LINGO2: variants seen among roughly 807,000 people sequenced by gnomAD.
LINGO2 encodes leucine rich repeat and Ig domain containing 2.
Under a neutral mutation model 30.6 loss-of-function variants are expected in LINGO2, and 14 were observed. The ratio of observed to expected loss-of-function variants is 0.46; its 90% CI spans 0.30 to 0.72. The LOEUF (loss-of-function observed/expected upper bound fraction) is 0.72. LINGO2 is among the 30% of genes least tolerant of loss of function. The pLI, the probability that LINGO2 is intolerant of heterozygous loss-of-function variation, is 0.07. For missense variants in LINGO2, 729 were observed against 751.7 expected, an observed-to-expected ratio of 0.97 and a Z score of 0.35; for synonymous variants, 317 against 288.5, an observed-to-expected ratio of 1.10 and a Z score of -1.00.
At chr9:28,117,845 A>G (rs150894835) in intron 4 of LINGO2, among the ~76,000 whole-genome samples, 2,788 of 152,094 alleles carry the variant, frequency 0.018, 42 homozygotes, top group Non-Finnish European at 0.024. Context: ...GGTACCTCAG[A>G]TGGAAATGCA....
At chr9:28,165,614 G>C (rs933740356) in intron 4 of LINGO2, among the ~76,000 whole-genome samples, 1 of 152,070 alleles carries the variant, frequency 6.6e-6, no homozygotes, top group Non-Finnish European at 1.5e-5. Flanking sequence ...AAAAATTATT[G>C]AACCTGTAAA....
the LINGO2 span, among the ~76,000 whole-genome samples, chr9:29,073,440 C>G: frequency 6.6e-6 from 1 of 152,114 alleles, no homozygotes; most frequent in East Asian, 1.9e-4. Context: ...GGGACAAATT[C>G]AACCTGCCAC....
At chr9:28,558,309 C>T (rs942026042) in intron 1 of LINGO2, among the ~76,000 whole-genome samples, 41 of 151,862 alleles carry the variant, frequency 2.7e-4, no homozygotes, top group African/African-American at 9.9e-4. Context: ...AAGATTCATA[C>T]ATTTTCCTGC....
At chr9:28,693,447 G>C in the LINGO2 span, among the ~76,000 whole-genome samples, 18 of 152,174 alleles carry the variant, frequency 1.2e-4, no homozygotes, top group Admixed American at 1.0e-3. Flanking sequence ...GGGATTTTAA[G>C]AGGCCATTAT....
chr9:29,017,947 T>C, the LINGO2 span, among the ~76,000 whole-genome samples: 1 of 151,586 alleles, frequency 6.6e-6, no homozygotes, highest in East Asian at 1.9e-4. Flanking sequence ...ATTGCTCTAC[T>C]CTCTCTCACA....
chr9:28,770,001 T>C, the LINGO2 span, among the ~76,000 whole-genome samples: 1 of 152,090 alleles, frequency 6.6e-6, no homozygotes, highest in African/African-American at 2.4e-5. Context: ...AAACACACGG[T>C]GGCATACTTT....
chr9:29,144,116 CA>C, the LINGO2 span, among the ~76,000 whole-genome samples: 1 of 152,026 alleles, frequency 6.6e-6, no homozygotes, highest in East Asian at 1.9e-4. Flanking sequence ...TACTCTGTTC[CA>C]TCGGTTTATG....
chr9:28,230,073 G>A (rs1821304312), intron 4 of LINGO2, among the ~76,000 whole-genome samples: 1 of 151,740 alleles, frequency 6.6e-6, no homozygotes, highest in Non-Finnish European at 1.5e-5. Context: ...TGTTAGATGT[G>A]AGAAAAATTA....
chr9:28,024,770 G>C (rs1174582497), intron 4 of LINGO2, among the ~76,000 whole-genome samples: 1 of 152,154 alleles, frequency 6.6e-6, no homozygotes, highest in African/African-American at 2.4e-5. Context: ...ATGTGAACTT[G>C]AGTTCTGAAG....
At chr9:29,012,366 A>T in the LINGO2 span, among the ~76,000 whole-genome samples, 5 of 152,134 alleles carry the variant, frequency 3.3e-5, no homozygotes, top group Admixed American at 2.6e-4. Context: ...TCAAAAAAAA[A>T]AATTATATTA....
At chr9:28,466,904 C>A (rs1165141658) in intron 2 of LINGO2, among the ~76,000 whole-genome samples, 1 of 152,062 alleles carries the variant, frequency 6.6e-6, no homozygotes, top group African/African-American at 2.4e-5. Flanking sequence ...GTGTTACAAA[C>A]TGGTTAAAAA....
At chr9:28,990,137 G>C in the LINGO2 span, among the ~76,000 whole-genome samples, 4 of 152,200 alleles carry the variant, frequency 2.6e-5, no homozygotes, top group Admixed American at 6.5e-5. Flanking sequence ...CCCTTTCCTA[G>C]TCAAAGAAAG....
chr9:28,168,748 T>C (rs929217674), intron 4 of LINGO2, among the ~76,000 whole-genome samples: 5 of 152,236 alleles, frequency 3.3e-5, no homozygotes, highest in African/African-American at 1.2e-4. Context: ...GAACCTAAAT[T>C]GTATTAGGGT....
At chr9:28,848,184 A>G in the LINGO2 span, among the ~76,000 whole-genome samples, 1 of 97,136 alleles carries the variant, frequency 1.0e-5, no homozygotes, top group Non-Finnish European at 1.9e-5. Context: ...TATACACACT[A>G]TATATACACA....
the LINGO2 span, among the ~76,000 whole-genome samples, chr9:29,071,495 A>G: frequency 8.8e-6 from 1 of 113,824 alleles, no homozygotes; most frequent in Non-Finnish European, 1.8e-5. Context: ...ATATATATAT[A>G]TATATATATA....
chr9:28,343,378 CGTTT>C (rs1819436426), intron 3 of LINGO2, among the ~76,000 whole-genome samples: 1 of 152,144 alleles, frequency 6.6e-6, no homozygotes. Context: ...TCATCTCTTC[CGTTT>C]CTTGGACTGC....
chr9:28,209,715 A>C (rs994080591), intron 4 of LINGO2, among the ~76,000 whole-genome samples: 4 of 151,856 alleles, frequency 2.6e-5, no homozygotes, highest in African/African-American at 9.7e-5. Flanking sequence ...AGAGTACATC[A>C]GAAAAAGGAA....
intron 1 of LINGO2, among the ~76,000 whole-genome samples, chr9:28,603,932 G>A (rs546491311): frequency 6.6e-6 from 1 of 152,090 alleles, no homozygotes; most frequent in African/African-American, 2.4e-5. Flanking sequence ...TAGGGCTTTG[G>A]TTTTGATAAA....
At chr9:28,902,307 C>A in the LINGO2 span, among the ~76,000 whole-genome samples, 1 of 151,954 alleles carries the variant, frequency 6.6e-6, no homozygotes, top group Non-Finnish European at 1.5e-5. Flanking sequence ...AAAAAAGGTC[C>A]TTATTAGTGA....
Sources: allele counts gnomAD v4.1 joint callset (sites outside exome capture counted in the v4.1 genomes callset), GRCh38; gene constraint gnomAD v4.1.1; transcripts MANE v1.5; gene names NCBI Gene and HGNC (gene_info 2026-07-23, HGNC 2026-07-21).